The following C10orf67 variants were observed in gnomAD, a reference collection of about 807,000 sequenced individuals.
C10orf67 encodes the protein uncharacterized protein C10orf67, mitochondrial.
C10orf67 carries 60 observed loss-of-function variants against 35.6 expected under a neutral mutation model. The ratio of observed to expected loss-of-function variants is 1.68; its 90% CI spans 1.37 to 2.09. The LOEUF (loss-of-function observed/expected upper bound fraction) is 2.09, where lower values mean the gene tolerates loss of function less well. Ranked by LOEUF, C10orf67 falls within the 30% of genes most tolerant of loss-of-function variation. The probability of loss-of-function intolerance (pLI) is 0.00; values close to 1 mark genes in which losing one functional copy is unlikely to be tolerated. For synonymous variants in C10orf67, 167 were observed against 115.8 expected (o/e 1.44, Z -2.84); for missense variants, 474 against 330.2 (o/e 1.44, Z -3.38).
intron 13 of C10orf67, among the ~76,000 whole-genome samples, chr10:23,226,609 T>C (rs987014116): frequency 1.3e-5 from 2 of 151,014 alleles, no homozygotes; most frequent in African/African-American, 2.4e-5. Flanking sequence ...CTGAAGGAGA[T>C]ACAGACGCAA....
At chr10:23,204,724 A>G (rs1490660340) in intron 15 of C10orf67, among the ~76,000 whole-genome samples, 2 of 152,206 alleles carry the variant, frequency 1.3e-5, no homozygotes, top group Admixed American at 6.5e-5. Context: ...TGAGAAGGAA[A>G]GGAAACCACA....
At chr10:23,310,673 C>A (rs1844462355) in intron 4 of C10orf67, among the ~76,000 whole-genome samples, 1 of 152,194 alleles carries the variant, frequency 6.6e-6, no homozygotes. Context: ...CTGGCAAGTC[C>A]CATACCAGTC....
chr10:23,341,840 T>C (rs1845900076), intron 1 of C10orf67, among the ~76,000 whole-genome samples: 1 of 152,166 alleles, frequency 6.6e-6, no homozygotes, highest in Non-Finnish European at 1.5e-5. Context: ...CCCAGTGTCA[T>C]TTTCTCAGTG....
intron 12 of C10orf67, among the ~76,000 whole-genome samples, chr10:23,241,977 A>ATTTTTTTTTTTTTTTTTTT (rs1842192985): frequency 6.7e-6 from 1 of 149,836 alleles, no homozygotes; most frequent in African/African-American, 2.5e-5. Flanking sequence ...TTTTTTTTTA[A>ATTTTTTTTTTTTTTTTTTT]TTTACTCATT....
intron 5 of C10orf67, among the ~76,000 whole-genome samples, chr10:23,293,214 C>A (rs1843775461): frequency 6.6e-6 from 1 of 152,194 alleles, no homozygotes; most frequent in South Asian, 2.1e-4. Context: ...TTCTAAGAAT[C>A]TCTTTGTATG....
Position 23,333,542 on chromosome 10 carries a change from G to A in C10orf67, c.207-360C>T, listed in dbSNP as rs114980753. On this transcript the variant is annotated intron_variant, in intron 1 of 15. Transcript: ENST00000636213. ...TTCAGCAGAAATCCTTTAAGACAGT[G>A]GTTTTCAAAGTATGGGCCGAGGACC... Among the ~76,000 whole-genome samples, 884 of 152,242 alleles carry A rather than the reference G, an allele frequency of 5.8e-3. 1 individual carries two copies. Among genetic ancestry groups the A allele is most frequent in the African/African-American group, 0.02 (835 of 41,550 alleles).
chr10:23,309,008 T>A (rs1388544178), intron 4 of C10orf67, among the ~76,000 whole-genome samples: 1 of 152,134 alleles, frequency 6.6e-6, no homozygotes, highest in Non-Finnish European at 1.5e-5. Flanking sequence ...ACTTTATTAT[T>A]TGCTTACTTT....
intron 4 of C10orf67, among the ~76,000 whole-genome samples, chr10:23,307,345 T>C (rs565481114): frequency 6.6e-6 from 1 of 152,280 alleles, no homozygotes; most frequent in African/African-American, 2.4e-5. Context: ...TAGCAAAACC[T>C]AGTAATATCT....
At chr10:23,314,841 A>T (rs1844639557) in intron 4 of C10orf67, among the ~76,000 whole-genome samples, 1 of 152,186 alleles carries the variant, frequency 6.6e-6, no homozygotes, top group Non-Finnish European at 1.5e-5. Flanking sequence ...CCTTTTATGT[A>T]ACATAATTAC....
intron 10 of C10orf67, among the ~76,000 whole-genome samples, chr10:23,263,616 G>A (rs966537551): frequency 1.3e-5 from 2 of 152,148 alleles, no homozygotes; most frequent in African/African-American, 4.8e-5. Flanking sequence ...GAAGGGCCCT[G>A]ATTCTTTCTG....
At chr10:23,259,531 A>C (rs1842692124) in intron 10 of C10orf67, among the ~76,000 whole-genome samples, 1 of 152,236 alleles carries the variant, frequency 6.6e-6, no homozygotes, top group South Asian at 2.1e-4. Context: ...GTCCAGGAAA[A>C]AAAATCTATC....
At chr10:23,236,355 C>G (rs12245769) in intron 13 of C10orf67, among the ~76,000 whole-genome samples, 4,898 of 150,382 alleles carry the variant, frequency 0.033, 254 homozygotes, top group African/African-American at 0.11. Context: ...TTGCTTGAAC[C>G]TGGGAGGCGG....
chr10:23,290,979 C>A (rs1484570364), intron 6 of C10orf67, among the ~76,000 whole-genome samples, 153 bp downstream of exon 6: 1 of 152,192 alleles, frequency 6.6e-6, no homozygotes, highest in Non-Finnish European at 1.5e-5. Context: ...GCAAGAAGTG[C>A]TATCTTTAAT....
intron 15 of C10orf67, among the ~76,000 whole-genome samples, chr10:23,210,514 G>C (rs1305569634): frequency 2.6e-5 from 4 of 152,056 alleles, no homozygotes; most frequent in Non-Finnish European, 4.4e-5. Context: ...CCATCGCCTG[G>C]GTTCAAGTGA....
chr10:23,333,139 C>T lies in C10orf67; in HGVS notation c.250G>A (p.Asp84Asn). 6.2e-7 allele frequency: 1 copy of T among 1,609,372 alleles called. No homozygotes were observed. The highest frequency in any genetic ancestry group is 8.5e-7 in the Non-Finnish European group (1 of 1,176,484). The change falls in exon 2 of 16, where the codon GAC becomes AAC. Residue 84 changes from aspartate (D) to asparagine (N), a missense_variant. Coordinates refer to ENST00000636213, the MANE Select transcript of C10orf67 (RefSeq NM_001371909.1). ...CTGGAATCAGTTTGAGTGGCATGGTCTGTGCTGAAAAAGCCAATCTTTAAA... is the reference window on the plus strand; with the variant it reads ...CTGGAATCAGTTTGAGTGGCATGGTTTGTGCTGAAAAAGCCAATCTTTAAA... ...DDLKIGFFSTDHATQTDSSEI... is the reference protein window; with the variant it reads ...DDLKIGFFSTNHATQTDSSEI...
intron 15 of C10orf67, among the ~76,000 whole-genome samples, chr10:23,206,390 A>T (rs1210599087): frequency 1.3e-5 from 2 of 152,230 alleles, no homozygotes; most frequent in Non-Finnish European, 2.9e-5. Context: ...TTTTGTTGGC[A>T]CCACAGGGCT....
chr10:23,238,414 A>G (rs1842100196), intron 13 of C10orf67, among the ~76,000 whole-genome samples: 1 of 152,216 alleles, frequency 6.6e-6, no homozygotes, highest in African/African-American at 2.4e-5. Context: ...TGAATCCAGG[A>G]AACAGTGGCA....
intron 6 of C10orf67, among the ~76,000 whole-genome samples, chr10:23,290,167 G>T (rs1241586246): frequency 1.3e-5 from 2 of 152,204 alleles, no homozygotes; most frequent in African/African-American, 2.4e-5. Context: ...TAAGAAGTAA[G>T]TTCAAGATCC....
At chr10:23,294,033 G>T (rs747231719) in intron 5 of C10orf67, among the ~76,000 whole-genome samples, 1 of 152,200 alleles carries the variant, frequency 6.6e-6, no homozygotes, top group African/African-American at 2.4e-5. Context: ...CTTCTCAGCA[G>T]TTTCCCCTCC....
Sources: allele counts gnomAD v4.1 joint callset (sites outside exome capture counted in the v4.1 genomes callset), GRCh38; gene constraint gnomAD v4.1.1; transcripts MANE v1.5; gene names NCBI Gene and HGNC (gene_info 2026-07-23, HGNC 2026-07-21).